The following DCN variants were observed in gnomAD, a reference collection of about 807,000 sequenced individuals.
The protein encoded by DCN is bone proteoglycan II.
DCN carries 17 observed loss-of-function variants against 36.5 expected under a neutral mutation model. The ratio of observed to expected loss-of-function variants is 0.47; its 90% CI spans 0.32 to 0.70. The LOEUF (loss-of-function observed/expected upper bound fraction) is 0.70, where lower values mean the gene tolerates loss of function less well. Among genes scored for constraint, DCN ranks in the 30% least tolerant of loss-of-function variants. The pLI is 0.04. For missense variants in DCN, 389 were observed against 430.1 expected, an observed-to-expected ratio of 0.90 and a Z score of 0.84; for synonymous variants, 163 against 161.4, an observed-to-expected ratio of 1.01 and a Z score of -0.07.
chr12:91,160,981 C>T (rs1592691347), intron 3 of DCN, among the ~76,000 whole-genome samples: 1 of 152,172 alleles, frequency 6.6e-6, no homozygotes, highest in Middle Eastern at 3.4e-3. Flanking sequence ...TATTTTAATC[C>T]TTGCTAAATT....
chr12:91,164,716 A>T lies in DCN; in HGVS notation c.213T>A (p.Gly71=). The part of the protein sequence containing the change: ...HLRVVQCSDL[G]LDKVPKDLPP... ...GAAGATCCTTTGGCACTTTGTCCAGACCTAGCATAAGAGTAATAGGAGTGT... is the reference window on the plus strand; with the variant it reads ...GAAGATCCTTTGGCACTTTGTCCAGTCCTAGCATAAGAGTAATAGGAGTGT... The change falls in exon 3 of 8, where the codon GGT becomes GGA. Residue 71 remains glycine, a splice_region_variant and synonymous_variant. Coordinates refer to ENST00000052754, the MANE Select transcript of DCN (RefSeq NM_001920.5). 1.3e-6 allele frequency: 2 copies of T among 1,547,700 alleles called. No homozygotes were observed. Among genetic ancestry groups the T allele is most frequent in the Non-Finnish European group, 1.8e-6 (2 of 1,119,292 alleles).
At chr12:91,180,260 T>C (rs1883511634) in intron 1 of DCN, 1 of 148,076 alleles carries the variant, frequency 6.8e-6, no homozygotes, top group Non-Finnish European at 1.5e-5. Context: ...CTGTTTTGAG[T>C]CATTATCCAA....
intron 1 of DCN, among the ~76,000 whole-genome samples, chr12:91,181,192 CAGAG>C (rs56834358): frequency 0.011 from 1,649 of 150,950 alleles, 25 homozygotes; most frequent in African/African-American, 0.032. Context: ...GTGTGTGTGA[CAGAG>C]AGAGAGTGTA....
chr12:91,164,560 C>G lies in DCN; in HGVS notation c.324+45G>C, dbSNP rs186303865. ...TATCTAGGTAGTGTTTTGAAAAATACCTTGAGTCTTATCTTATTGTGAGTT... is the reference window on the plus strand; with the variant it reads ...TATCTAGGTAGTGTTTTGAAAAATAGCTTGAGTCTTATCTTATTGTGAGTT... On this transcript the variant is annotated intron_variant, in intron 3 of 7. Coordinates refer to ENST00000052754, the MANE Select transcript of DCN (RefSeq NM_001920.5). 7.3e-5 allele frequency: 79 copies of G among 1,076,478 alleles called. No individual in the cohort carries two copies. The East Asian group carries it at 1.8e-3, about 25-fold the overall frequency. The allele number at this position is 1,076,478 out of a possible 1,614,324, so 66.7% of individuals were successfully genotyped here. A position where few individuals can be genotyped will look rare whatever the true frequency, so the allele number is the denominator to read the frequency against.
At chr12:91,173,819 C>CCAGCTGGAAAAA (rs1883124403) in intron 2 of DCN, among the ~76,000 whole-genome samples, 1 of 152,146 alleles carries the variant, frequency 6.6e-6, no homozygotes, top group Non-Finnish European at 1.5e-5. Context: ...TTCTGGAAAA[C>CCAGCTGGAAAAA]CAGTTTCTCC....
rs537872340 is a variant in DCN, at chr12:91,147,548, T to TTCAACC, written c.886-1297_886-1296insGGTTGA. ...TAGAACAGACCAGGTGTTCAATAAA[T>TTCAACC]ATGTGTTGAATGAATAAATGTTATT... On this transcript the variant is annotated intron_variant, in intron 7 of 7. Coordinates refer to ENST00000052754, the MANE Select transcript of DCN (RefSeq NM_001920.5). Among the ~76,000 whole-genome samples, 510 of 152,284 alleles carry TTCAACC rather than the reference T, an allele frequency of 3.3e-3. 6 individuals are homozygous for TTCAACC. The highest frequency in any genetic ancestry group is 0.011 in the African/African-American group (471 of 41,556).
At chr12:91,176,230 A>T (rs752037753) in intron 2 of DCN, 7 of 152,086 alleles carry the variant, frequency 4.6e-5, no homozygotes, top group Non-Finnish European at 1.0e-4. Context: ...CTTGCATGAG[A>T]CCACTGCTCA....
intron 3 of DCN, among the ~76,000 whole-genome samples, chr12:91,160,276 A>T (rs560331438): frequency 6.6e-6 from 1 of 152,238 alleles, no homozygotes; most frequent in South Asian, 2.1e-4. Flanking sequence ...TGCCTAATGA[A>T]AATCGCAAAG....
chr12:91,178,749 G>T (rs1883451146), intron 1 of DCN, among the ~76,000 whole-genome samples, 164 bp from the exon 2 acceptor site: 1 of 152,052 alleles, frequency 6.6e-6, no homozygotes, highest in South Asian at 2.1e-4. Flanking sequence ...AGACAATCAG[G>T]TACATTATAG....
Position 91,158,293 on chromosome 12 carries a change from T to C in DCN, c.538+3A>G. The C allele has an allele frequency of 6.4e-7, 1 of 1,574,752 alleles. No homozygotes were observed. The highest frequency in any genetic ancestry group is 8.7e-7 in the Non-Finnish European group (1 of 1,144,038). The stretch of plus-strand genomic sequence containing the variant: ...GGTCTTAAAGTTATAAAAATGTCTG[T>C]ACCTATGACAATCATCTGGTTCAGT... On this transcript the variant is annotated splice_donor_region_variant and intron_variant, in intron 4 of 7. Coordinates refer to ENST00000052754, the MANE Select transcript of DCN (RefSeq NM_001920.5).
rs774031411 is a variant in DCN at position 91,178,526 on chromosome 12, CAGA to C, written c.24_26del (p.Leu10del). 6.2e-7 allele frequency: 1 copy of C among 1,613,660 alleles called. No individual in the cohort carries two copies. The highest frequency in any genetic ancestry group is 8.5e-7 in the Non-Finnish European group (1 of 1,179,934). The stretch of plus-strand genomic sequence containing the variant: ...GTCCAGCCCAGGAAACTTGTGCAAG[CAGA>C]AGGAGGATGATAGTGGCCTTCATGA... On this transcript the variant is annotated inframe_deletion, in exon 2 of 8. Transcript: ENST00000052754.
At chr12:91,162,689 C>G (rs3138232) in intron 3 of DCN, among the ~76,000 whole-genome samples, 2,328 of 152,282 alleles carry the variant, frequency 0.015, 33 homozygotes, top group Middle Eastern at 0.027. Flanking sequence ...TAACAAATCA[C>G]TAGGTAAGTC....
intron 2 of DCN, among the ~76,000 whole-genome samples, chr12:91,174,310 C>T (rs1883159120): frequency 6.6e-6 from 1 of 151,866 alleles, no homozygotes; most frequent in Middle Eastern, 3.2e-3. Flanking sequence ...AGCTTGACAA[C>T]CCATATACTT....
chr12:91,146,173 G>A lies in DCN; in HGVS notation c.965C>T (p.Ala322Val), dbSNP rs775617843. 1.5e-5 allele frequency: 24 copies of A among 1,613,336 alleles called. No homozygotes were observed. The South Asian group carries it at 2.4e-4, about 16-fold the overall frequency. The change falls in exon 8 of 8, where the codon GCT becomes GTT. Residue 322 changes from alanine to valine, a missense_variant. Physicochemically the swap from Ala to Val is moderately conservative, Grantham distance 64. Transcript: ENST00000052754. ...GAAAAGACTCACACCCGAATAAGAAGCCTTTTTGGTGTTGTGTCCAGGTGG... is the reference window on the plus strand; with the variant it reads ...GAAAAGACTCACACCCGAATAAGAAACCTTTTTGGTGTTGTGTCCAGGTGG... ...FCPPGHNTKK[A>V]SYSGVSLFSN...
At chr12:91,163,822 A>G (rs1195627040) in intron 3 of DCN, among the ~76,000 whole-genome samples, 3 of 152,192 alleles carry the variant, frequency 2.0e-5, no homozygotes. Flanking sequence ...TTAGAACATC[A>G]TTCACACCTC....
At chr12:91,167,847 T>A (rs952681893) in intron 2 of DCN, among the ~76,000 whole-genome samples, 1 of 152,078 alleles carries the variant, frequency 6.6e-6, no homozygotes, top group Non-Finnish European at 1.5e-5. Context: ...TTTGTTTTTG[T>A]TTTTTTGTTT....
intron 2 of DCN, among the ~76,000 whole-genome samples, chr12:91,165,754 G>A (rs1011177279): frequency 6.6e-6 from 1 of 152,046 alleles, no homozygotes; most frequent in African/African-American, 2.4e-5. Flanking sequence ...TTTGGTAGAA[G>A]CAATCTCTCC....
In DCN at chr12:91,157,166, C is replaced by G. The variant is rs762209864; in HGVS notation, c.561G>C (p.Lys187Asn). The G allele has an allele frequency of 1.9e-6, 3 of 1,613,780 alleles. No homozygotes were observed. The highest frequency in any genetic ancestry group is 2.5e-6 in the Non-Finnish European group (3 of 1,179,690). Residue 187 changes from lysine (K) to asparagine (N), a missense_variant, in exon 5 of 8, where the codon AAG (lysine) becomes AAC (asparagine). Transcript: ENST00000052754. Reference protein sequence around the residue: ...IVIELGTNPLKSSGIENGAFQ... With the variant: ...IVIELGTNPLNSSGIENGAFQ... Reference sequence around the variant, plus strand: ...AAGCCCCATTTTCAATTCCTGAGCTCTTCAGCGGATTGGTGCCCAGTTCTA... The same window carrying G: ...AAGCCCCATTTTCAATTCCTGAGCTGTTCAGCGGATTGGTGCCCAGTTCTA...
At chr12:91,177,691 A>G (rs917175123) in intron 2 of DCN, 2 of 698,756 alleles carry the variant, frequency 2.9e-6, no homozygotes, top group Non-Finnish European at 5.2e-6. Context: ...ACACAATTAT[A>G]TTGAATATTT....
Sources: gnomAD v4.1 joint callset for allele counts (sites outside exome capture counted in the v4.1 genomes callset) on GRCh38, gnomAD v4.1.1 for gene constraint, MANE v1.5 for transcripts, NCBI Gene and HGNC (gene_info 2026-07-23, HGNC 2026-07-21) for gene names.